The following GPD2 variants were observed in gnomAD, a reference collection of about 807,000 sequenced individuals.
The protein encoded by GPD2 is glycerol-3-phosphate dehydrogenase 2.
In GPD2, 54 loss-of-function variants were observed where a neutral mutation model predicts 82.4. The observed-to-expected ratio is 0.66, with a 90% confidence interval of 0.53 to 0.82. The LOEUF (loss-of-function observed/expected upper bound fraction) is 0.82. Among genes scored for constraint, GPD2 ranks in the 40% least tolerant of loss-of-function variants. The pLI, the probability that GPD2 is intolerant of heterozygous loss-of-function variation, is 0.00. For synonymous variants in GPD2, 288 were observed against 306.1 expected (o/e 0.94, Z 0.62); for missense variants, 748 against 896.2 (o/e 0.83, Z 2.11).
chr2:156,559,600 A>T (rs1416563039), intron 9 of GPD2, among the ~76,000 whole-genome samples: 2 of 151,950 alleles, frequency 1.3e-5, no homozygotes, highest in African/African-American at 4.8e-5. Flanking sequence ...GGTTCAGGTG[A>T]CTCCTAGTTT....
chr2:156,427,044 G>C, the GPD2 span, among the ~76,000 whole-genome samples: 1 of 152,218 alleles, frequency 6.6e-6, no homozygotes, highest in African/African-American at 2.4e-5. Flanking sequence ...CAACCCCTGA[G>C]GGAGTTCTAG....
chr2:156,439,703 C>T (rs373200801), intron 1 of GPD2, among the ~76,000 whole-genome samples: 5 of 151,238 alleles, frequency 3.3e-5, no homozygotes, highest in African/African-American at 4.9e-5. Context: ...AAAAATTAGC[C>T]GGGCATGATC....
At chr2:156,525,978 A>G (rs927673907) in intron 6 of GPD2, among the ~76,000 whole-genome samples, 13 of 152,112 alleles carry the variant, frequency 8.5e-5, no homozygotes, top group African/African-American at 2.9e-4. Flanking sequence ...ATGTATGCAT[A>G]TGTGTTTATT....
At chr2:156,446,825 A>G (rs1682385423) in intron 1 of GPD2, among the ~76,000 whole-genome samples, 1 of 152,216 alleles carries the variant, frequency 6.6e-6, no homozygotes, top group Non-Finnish European at 1.5e-5. Flanking sequence ...AAGTGCTGGG[A>G]TCACAGACAT....
At chr2:156,567,381 A>G (rs1331270035) in intron 9 of GPD2, among the ~76,000 whole-genome samples, 1 of 152,056 alleles carries the variant, frequency 6.6e-6, no homozygotes, top group Non-Finnish European at 1.5e-5. Context: ...TGTATACGAT[A>G]TAAGATAAGG....
intron 6 of GPD2, among the ~76,000 whole-genome samples, chr2:156,532,438 T>C (rs1685903261): frequency 6.6e-6 from 1 of 152,242 alleles, no homozygotes; most frequent in Non-Finnish European, 1.5e-5. Context: ...TTGGACTTTT[T>C]CTCTTCTCCC....
chr2:156,496,031 G>C lies in GPD2; in HGVS notation c.103-13G>C. On this transcript the variant is annotated splice_polypyrimidine_tract_variant and intron_variant, in intron 2 of 16. Coordinates refer to ENST00000438166, the MANE Select transcript of GPD2 (RefSeq NM_000408.5). Reference sequence around the variant, plus strand: ...CCAAATGGACAACTGAAAGTGATCTGCTTTTACATCAGATGAACCTGGCCT... The same window carrying C: ...CCAAATGGACAACTGAAAGTGATCTCCTTTTACATCAGATGAACCTGGCCT... 1 of 1,605,552 alleles carries C rather than the reference G, an allele frequency of 6.2e-7. No homozygotes were observed. Among genetic ancestry groups the C allele is most frequent in the Non-Finnish European group, 8.5e-7 (1 of 1,173,186 alleles).
intron 1 of GPD2, among the ~76,000 whole-genome samples, chr2:156,471,136 G>A (rs568900377): frequency 2.0e-5 from 3 of 152,260 alleles, no homozygotes; most frequent in African/African-American, 7.2e-5. Context: ...ACCACTTATT[G>A]TGTTCAGTCT....
At chr2:156,475,220 G>C (rs1343650501) in intron 1 of GPD2, among the ~76,000 whole-genome samples, 1 of 152,180 alleles carries the variant, frequency 6.6e-6, no homozygotes. Context: ...ACTCTGGCTA[G>C]AAGAAAACTT....
At chr2:156,436,126 C>T (rs1688419387), upstream of GPD2, among the ~76,000 whole-genome samples, 1 of 152,354 alleles carries the variant, frequency 6.6e-6, no homozygotes, top group South Asian at 2.1e-4. Flanking sequence ...CCACCTCGCT[C>T]GCCGCCCGCT....
Position 156,496,143 on chromosome 2 carries a change from T to G in GPD2, c.202T>G (p.Ser68Ala). 6.2e-7 allele frequency: 1 copy of G among 1,612,788 alleles called. No homozygotes were observed. Among genetic ancestry groups the G allele is most frequent in the Non-Finnish European group, 8.5e-7 (1 of 1,178,910 alleles). Residue 68 changes from serine (S) to alanine (A), a missense_variant, in exon 3 of 17, where the codon TCT (serine) becomes GCT (alanine). Physicochemically the swap from Ser to Ala is moderately conservative, Grantham distance 99. Coordinates refer to ENST00000438166, the MANE Select transcript of GPD2 (RefSeq NM_000408.5). ...EAQLLTLQNT[S>A]EFDILVIGGG... is the part of the protein sequence containing the mutation. ...TCAGCTACTGACTTTGCAAAACACATCTGAATTTGATATCCTTGTTATTGG... is the reference window on the plus strand; with the variant it reads ...TCAGCTACTGACTTTGCAAAACACAGCTGAATTTGATATCCTTGTTATTGG...
chr2:156,408,558 C>T, the GPD2 span, among the ~76,000 whole-genome samples: 1 of 151,588 alleles, frequency 6.6e-6, no homozygotes, highest in East Asian at 2.0e-4. Context: ...AGACCACCCC[C>T]TGCCCATGAT....
the GPD2 span, among the ~76,000 whole-genome samples, chr2:156,402,706 G>T: frequency 4.0e-5 from 6 of 151,848 alleles, no homozygotes; most frequent in African/African-American, 7.3e-5. Context: ...GAAGAGAGAG[G>T]TGTCTCGCTA....
chr2:156,512,293 T>G lies in GPD2; in HGVS notation c.473T>G (p.Leu158Trp). The G allele has an allele frequency of 6.3e-7, 1 of 1,581,342 alleles. No homozygotes were observed. Among genetic ancestry groups the G allele is most frequent in the East Asian group, 2.2e-5 (1 of 44,692 alleles). ...ATTGCTCCCCATTTATCAGCTCCAT[T>G]GCCTATAATGCTTCCAGTTTACAAG... is the stretch of plus-strand genomic sequence containing the variant. ...LEIAPHLSAP[L>W]PIMLPVYKWW... Residue 158 changes from leucine (L) to tryptophan (W), a missense_variant, in exon 5 of 17, where the codon TTG becomes TGG. Around this residue, in one of 3 missense-constraint regions of GPD2, gnomAD observed 692 missense variants for 809.7 expected, o/e 0.85. Coordinates refer to ENST00000438166, the MANE Select transcript of GPD2 (RefSeq NM_000408.5).
chr2:156,496,222 C>CTTT lies in GPD2; in HGVS notation c.274+17_274+19dup. 2.2e-6 allele frequency: 3 copies of CTTT among 1,353,414 alleles called. No homozygotes were observed. The highest frequency in any genetic ancestry group is 2.0e-6 in the Non-Finnish European group (2 of 976,016). The allele number at this position is 1,353,414 out of a possible 1,614,324, so 83.8% of individuals were successfully genotyped here. On this transcript the variant is annotated splice_region_variant and intron_variant, in intron 3 of 16. Transcript: ENST00000438166. ...CTAGATGCTGTCACCAGAGGTAAGT[C>CTTT]TTTTTTTTTTTTATTTTAATTTTAA... is the stretch of plus-strand genomic sequence containing the variant.
intron 13 of GPD2, among the ~76,000 whole-genome samples, chr2:156,573,336 T>C (rs1336486275): frequency 1.3e-5 from 2 of 152,178 alleles, no homozygotes; most frequent in Non-Finnish European, 2.9e-5. Flanking sequence ...CTCCATCCTG[T>C]CTTGCTGTGT....
chr2:156,509,016 T>C (rs555874736), intron 3 of GPD2, among the ~76,000 whole-genome samples: 1 of 152,324 alleles, frequency 6.6e-6, no homozygotes, highest in Non-Finnish European at 1.5e-5. Flanking sequence ...GGATTTTGGC[T>C]CTCAATATTC....
intron 1 of GPD2, among the ~76,000 whole-genome samples, chr2:156,454,007 G>A (rs1001761296): frequency 6.6e-6 from 1 of 152,186 alleles, no homozygotes; most frequent in African/African-American, 2.4e-5. Flanking sequence ...CAGCGAGAAG[G>A]GATAATGGGT....
chr2:156,528,373 T>C (rs1278799621), intron 6 of GPD2, among the ~76,000 whole-genome samples: 1 of 151,884 alleles, frequency 6.6e-6, no homozygotes, highest in Admixed American at 6.6e-5. Flanking sequence ...CAAAGAGAGA[T>C]AAACATATTT....
Sources: allele counts gnomAD v4.1 joint callset (sites outside exome capture counted in the v4.1 genomes callset), GRCh38; gene constraint gnomAD v4.1.1; regional missense constraint gnomAD v4.1.1; transcripts MANE v1.5; gene names NCBI Gene and HGNC (gene_info 2026-07-23, HGNC 2026-07-21).